The following DLGAP1 variants were observed in gnomAD, a reference collection of about 807,000 sequenced individuals.
The protein encoded by DLGAP1 is disks large-associated protein 1.
A neutral mutation model predicts 90.8 loss-of-function variants in DLGAP1; 11 were observed. That is an observed-to-expected ratio of 0.12 (90% confidence interval 0.08 to 0.20). The LOEUF is 0.20. Among genes scored for constraint, DLGAP1 ranks in the 10% least tolerant of loss-of-function variants. The pLI is 1.00. For synonymous variants in DLGAP1, 558 were observed against 540.7 expected (o/e 1.03, Z -0.44); for missense variants, 1,050 against 1,333.8 (o/e 0.79, Z 3.31).
In DLGAP1 at chr18:3,660,750, T is replaced by C. The variant is rs1291831617; in HGVS notation, c.1591+68385A>G. Among the ~76,000 whole-genome samples the C allele has an allele frequency of 6.6e-6, 1 of 152,218 alleles. No homozygotes were observed. The highest frequency in any genetic ancestry group is 1.5e-5 in the Non-Finnish European group (1 of 68,042). ...ATTTAGGTGTTTTAGGGTTCCAATA[T>C]TGGCAAGGTATCTGACAAGTAAGTT... On this transcript the variant is annotated intron_variant, in intron 7 of 12. Transcript: ENST00000315677. This position sits in a 1 kb window ranked among gnomAD's most constrained non-coding sequence, Gnocchi z 4.2.
chr18:4,150,208 G>C (rs16946111), intron 2 of DLGAP1, among the ~76,000 whole-genome samples: 17,063 of 152,076 alleles, frequency 0.11, 2,256 homozygotes, highest in African/African-American at 0.3. Flanking sequence ...AGCAAGTAAC[G>C]CAGACAAAGA....
At chr18:3,864,014 G>A (rs751274290) in intron 4 of DLGAP1, among the ~76,000 whole-genome samples, 1 of 152,170 alleles carries the variant, frequency 6.6e-6, no homozygotes, top group Admixed American at 6.5e-5. Flanking sequence ...ATTTCTACCA[G>A]CTGAGTGGTC....
chr18:4,315,270 G>A (rs1300129622), intron 1 of DLGAP1, among the ~76,000 whole-genome samples: 1 of 152,162 alleles, frequency 6.6e-6, no homozygotes, highest in Non-Finnish European at 1.5e-5. Context: ...GCCTATGGCA[G>A]GTAGGATGTA....
Position 4,037,958 on chromosome 18 carries a change from T to A in DLGAP1, c.-158-32757A>T, listed in dbSNP as rs562914309. Among the ~76,000 whole-genome samples the A allele has an allele frequency of 1.3e-3, 198 of 152,308 alleles. 4 individuals carry two copies. In the South Asian group the frequency reaches 0.024, roughly 18 times the overall value. On this transcript the variant is annotated intron_variant, in intron 2 of 12. Transcript: ENST00000315677. Reference sequence around the variant, plus strand: ...CTGGGCAACAGAGTGAGACTCCGTCTCAAAAACAAAAATTACCTTTTAACT... The same window carrying A: ...CTGGGCAACAGAGTGAGACTCCGTCACAAAAACAAAAATTACCTTTTAACT...
intron 7 of DLGAP1, among the ~76,000 whole-genome samples, chr18:3,672,609 A>AT (rs2060137226): frequency 8.7e-6 from 1 of 114,550 alleles, no homozygotes; most frequent in Non-Finnish European, 1.7e-5. Context: ...AAAAAAAAAA[A>AT]GTTAATGAGA....
chr18:3,520,555 G>A (rs2051118472), intron 10 of DLGAP1, among the ~76,000 whole-genome samples: 1 of 152,124 alleles, frequency 6.6e-6, no homozygotes, highest in Non-Finnish European at 1.5e-5. Flanking sequence ...CACTACGACT[G>A]ATGTCCTTAT....
At chr18:4,209,482 A>G (rs924318503) in intron 1 of DLGAP1, among the ~76,000 whole-genome samples, 6 of 152,182 alleles carry the variant, frequency 3.9e-5, no homozygotes, top group African/African-American at 7.2e-5. Context: ...AAGTCTTTCA[A>G]CTTATTGTTT....
rs2146648573 is a variant in DLGAP1, at chr18:3,664,482, C to T, written c.1591+64653G>A. On this transcript the variant is annotated intron_variant, in intron 7 of 12. Coordinates refer to ENST00000315677, the MANE Select transcript of DLGAP1 (RefSeq NM_004746.4). ...GTGCCCTGTCCCTTAGCTCTTGGTACTCCAGCCACATCACCCTTTCAGTTC... is the reference window on the plus strand; with the variant it reads ...GTGCCCTGTCCCTTAGCTCTTGGTATTCCAGCCACATCACCCTTTCAGTTC... 3.3e-5 allele frequency among the ~76,000 whole-genome samples: 5 copies of T among 152,276 alleles called. 1 individual carries two copies. In the East Asian group the frequency reaches 9.6e-4, roughly 29 times the overall value.
intron 4 of DLGAP1, among the ~76,000 whole-genome samples, chr18:3,848,908 C>T (rs964488172): frequency 6.6e-6 from 1 of 152,154 alleles, no homozygotes; most frequent in African/African-American, 2.4e-5. Context: ...GCTTTCTTTG[C>T]TCCTCCCCCC....
At chr18:3,786,465 A>G (rs917587466) in intron 5 of DLGAP1, among the ~76,000 whole-genome samples, 3 of 152,244 alleles carry the variant, frequency 2.0e-5, no homozygotes, top group African/African-American at 7.2e-5. Context: ...ATGTGGGCTT[A>G]GTGAATAATA....
intron 4 of DLGAP1, 114 bp downstream of exon 4, chr18:3,878,998 G>T: frequency 1.1e-6 from 1 of 881,762 alleles, no homozygotes; most frequent in Non-Finnish European, 1.6e-6. Flanking sequence ...AATTTGCACA[G>T]GTTCCTATCT....
intron 2 of DLGAP1, among the ~76,000 whole-genome samples, chr18:4,043,930 T>G (rs2075012577): frequency 6.6e-6 from 1 of 152,218 alleles, no homozygotes; most frequent in Admixed American, 6.5e-5. Context: ...ATAAAACTTT[T>G]GAACATCATC....
At chr18:3,686,048 G>A (rs774212983) in intron 7 of DLGAP1, among the ~76,000 whole-genome samples, 2 of 151,946 alleles carry the variant, frequency 1.3e-5, no homozygotes, top group African/African-American at 2.4e-5. Context: ...ATGGTGGCAC[G>A]TGCCTGTAAT....
At chr18:4,070,788 A>G (rs2075435682) in intron 2 of DLGAP1, among the ~76,000 whole-genome samples, 1 of 152,178 alleles carries the variant, frequency 6.6e-6, no homozygotes, top group Non-Finnish European at 1.5e-5. Context: ...TGAAGTAAAA[A>G]CAATACGTAT....
intron 1 of DLGAP1, among the ~76,000 whole-genome samples, chr18:4,329,994 C>G (rs2080912018): frequency 6.6e-6 from 1 of 151,790 alleles, no homozygotes; most frequent in Non-Finnish European, 1.5e-5. Context: ...GTGAAGCCAC[C>G]TGGGTTTGAA....
chr18:3,755,452 GCAAAAAA>G (rs777251381), intron 5 of DLGAP1, among the ~76,000 whole-genome samples: 48 of 151,538 alleles, frequency 3.2e-4, no homozygotes, highest in Non-Finnish European at 5.3e-4. Context: ...AATATAGCAT[GCAAAAAA>G]CAAAAAACAA....
rs78152060 is a variant in DLGAP1 at position 4,254,732 on chromosome 18, T to A, written c.-266-103445A>T. On this transcript the variant is annotated intron_variant, in intron 1 of 12. Coordinates refer to ENST00000315677, the MANE Select transcript of DLGAP1 (RefSeq NM_004746.4). The stretch of plus-strand genomic sequence containing the variant: ...CTAAAGTGAACACATTTCCTTCCCA[T>A]ATGACTCTACTTCCTAATTCTCAGA... 4.1e-3 allele frequency among the ~76,000 whole-genome samples: 625 copies of A among 152,332 alleles called. 6 individuals carry two copies. The highest frequency in any genetic ancestry group is 0.014 in the African/African-American group (600 of 41,578).
At chr18:4,159,143 G>A (rs1427843395) in intron 1 of DLGAP1, among the ~76,000 whole-genome samples, 1 of 152,086 alleles carries the variant, frequency 6.6e-6, no homozygotes, top group Non-Finnish European at 1.5e-5. Context: ...TGTGCACATA[G>A]TACCTTGCTG....
At chr18:4,144,656 T>C (rs533881086) in intron 2 of DLGAP1, among the ~76,000 whole-genome samples, 1 of 152,344 alleles carries the variant, frequency 6.6e-6, no homozygotes, top group Non-Finnish European at 1.5e-5. Context: ...GAGAGGATGA[T>C]AGTGGAGGCA....
Sources: gnomAD v4.1 joint callset for allele counts (sites outside exome capture counted in the v4.1 genomes callset) on GRCh38, gnomAD v4.1.1 for gene constraint, Gnocchi (gnomAD v3.1) non-coding constraint, MANE v1.5 for transcripts, NCBI Gene and HGNC (gene_info 2026-07-23, HGNC 2026-07-21) for gene names.